The following MAPK10 variants were observed in gnomAD, a reference collection of about 807,000 sequenced individuals.
The protein encoded by MAPK10 is mitogen-activated protein kinase 10.
MAPK10 carries 25 observed loss-of-function variants against 59.3 expected under a neutral mutation model. The observed-to-expected ratio is 0.42, with a 90% CI of 0.31 to 0.59. The LOEUF is 0.59. Ranked by LOEUF, MAPK10 falls within the 20% of genes least tolerant of loss-of-function variation. The pLI, the probability that MAPK10 is intolerant of heterozygous loss-of-function variation, is 0.15. For missense variants in MAPK10, 351 were observed against 568.9 expected (o/e 0.62, Z 3.90); for synonymous variants, 190 against 200.5 (o/e 0.95, Z 0.44).
At chr4:86,458,319 C>A (rs191187228) in intron 1 of MAPK10, among the ~76,000 whole-genome samples, 2 of 151,390 alleles carry the variant, frequency 1.3e-5, no homozygotes, top group African/African-American at 4.8e-5. Flanking sequence ...AAAAACTAGC[C>A]GGGCGTGGTG....
intron 9 of MAPK10, among the ~76,000 whole-genome samples, chr4:86,094,686 G>A (rs1266471577): frequency 6.6e-6 from 1 of 151,840 alleles, no homozygotes; most frequent in African/African-American, 2.4e-5. Flanking sequence ...GGGTGGTGGA[G>A]GCAGTGAATG....
intron 1 of MAPK10, among the ~76,000 whole-genome samples, chr4:86,475,717 C>T (rs1417276382): frequency 6.6e-6 from 1 of 152,020 alleles, no homozygotes; most frequent in Non-Finnish European, 1.5e-5. Flanking sequence ...AACCTCCCAA[C>T]CCCTTCTTCA....
chr4:86,066,670 C>G (rs2046799587), intron 10 of MAPK10, among the ~76,000 whole-genome samples: 1 of 144,318 alleles, frequency 6.9e-6, no homozygotes, highest in African/African-American at 2.6e-5. Context: ...GAGGTTGAGG[C>G]AGGAGAATGG....
At chr4:86,472,692 C>G (rs1429845608) in intron 1 of MAPK10, among the ~76,000 whole-genome samples, 2 of 152,212 alleles carry the variant, frequency 1.3e-5, no homozygotes, top group African/African-American at 4.8e-5. Context: ...AGATAAGATT[C>G]TGAAATGTGT....
intron 1 of MAPK10, among the ~76,000 whole-genome samples, chr4:86,372,564 GAAAGAAA>G: frequency 1.3e-5 from 1 of 78,716 alleles, no homozygotes; most frequent in Middle Eastern, 5.9e-3. Flanking sequence ...AAGAAAGAAA[GAAAGAAA>G]AGAAAAGAAA....
chr4:86,103,152 T>C (rs1175513090), intron 6 of MAPK10, 34 bp downstream of exon 6: 1 of 1,530,724 alleles, frequency 6.5e-7, no homozygotes, highest in Non-Finnish European at 9.0e-7. Context: ...CTGAGTGCTG[T>C]GCTCTCCCTT....
intron 4 of MAPK10, among the ~76,000 whole-genome samples, chr4:86,127,418 G>A (rs866557361): frequency 3.9e-4 from 59 of 152,026 alleles, no homozygotes; most frequent in African/African-American, 1.4e-3. Flanking sequence ...AGATTTCTAT[G>A]AACATGACTC....
chr4:86,462,376 T>G (rs1342556116), intron 1 of MAPK10, among the ~76,000 whole-genome samples: 1 of 152,182 alleles, frequency 6.6e-6, no homozygotes, highest in Non-Finnish European at 1.5e-5. Context: ...TTGTGCTGTA[T>G]GTGGAAATGG....
chr4:86,484,076 G>T (rs140939354), intron 1 of MAPK10, among the ~76,000 whole-genome samples: 45 of 152,284 alleles, frequency 3.0e-4, no homozygotes, highest in Non-Finnish European at 5.7e-4. Flanking sequence ...TGGAAGATGA[G>T]GGGAGGAAGC....
At chr4:86,323,732 T>G (rs556982745) in intron 2 of MAPK10, among the ~76,000 whole-genome samples, 1 of 152,358 alleles carries the variant, frequency 6.6e-6, no homozygotes, top group East Asian at 1.9e-4. Context: ...TTTTGCTATT[T>G]TATTCAACAG....
chr4:86,336,825 C>T (rs1322268407), intron 2 of MAPK10, among the ~76,000 whole-genome samples: 1 of 121,112 alleles, frequency 8.3e-6, no homozygotes, highest in African/African-American at 3.1e-5. Flanking sequence ...GAGTCTTGCA[C>T]TGTCACCCAG....
intron 9 of MAPK10, chr4:86,095,024 A>G (rs2053970158): frequency 6.6e-6 from 1 of 151,970 alleles, no homozygotes; most frequent in Non-Finnish European, 1.5e-5. Context: ...TAAGTGTATG[A>G]TAGTGTATGC....
chr4:86,388,097 C>T (rs888016502), intron 1 of MAPK10, among the ~76,000 whole-genome samples: 5 of 151,246 alleles, frequency 3.3e-5, no homozygotes, highest in African/African-American at 4.8e-5. Context: ...GTACTGTAAT[C>T]GGGTTAGAAA....
intron 2 of MAPK10, among the ~76,000 whole-genome samples, chr4:86,319,726 T>C (rs1165455662): frequency 6.6e-6 from 1 of 152,170 alleles, no homozygotes; most frequent in Non-Finnish European, 1.5e-5. Flanking sequence ...TCTGAAGTAC[T>C]AGAAGAGTTA....
At chr4:86,498,081 T>G (rs1256424665) in intron 1 of MAPK10, among the ~76,000 whole-genome samples, 1 of 152,222 alleles carries the variant, frequency 6.6e-6, no homozygotes, top group Non-Finnish European at 1.5e-5. Context: ...CTGAAGACAA[T>G]GTGCTTTCTG....
At chr4:86,321,090 T>C (rs1398358624) in intron 2 of MAPK10, among the ~76,000 whole-genome samples, 1 of 151,786 alleles carries the variant, frequency 6.6e-6, no homozygotes, top group Non-Finnish European at 1.5e-5. Flanking sequence ...AAACAACAGG[T>C]GCTGGAGAGG....
intron 2 of MAPK10, among the ~76,000 whole-genome samples, chr4:86,201,965 T>C (rs1305483137): frequency 6.6e-6 from 1 of 151,900 alleles, no homozygotes; most frequent in Non-Finnish European, 1.5e-5. Context: ...CTTTGAGCTA[T>C]TGTGTTACAT....
At chr4:86,479,637 G>A (rs990853621) in intron 1 of MAPK10, among the ~76,000 whole-genome samples, 12 of 151,982 alleles carry the variant, frequency 7.9e-5, no homozygotes, top group East Asian at 1.9e-4. Context: ...TCCCCAAACC[G>A]CCACTCTTAA....
chr4:86,538,165 A>C (rs909848292), intron 1 of MAPK10, among the ~76,000 whole-genome samples: 1 of 136,180 alleles, frequency 7.3e-6, no homozygotes, highest in Non-Finnish European at 1.6e-5. Flanking sequence ...TTTTTTTTTT[A>C]GACGGAGTTT....
Sources: allele counts gnomAD v4.1 joint callset (sites outside exome capture counted in the v4.1 genomes callset), GRCh38; gene constraint gnomAD v4.1.1; transcripts MANE v1.5; gene names NCBI Gene and HGNC (gene_info 2026-07-23, HGNC 2026-07-21).